Variants in COL6A5 observed in about 807,000 individuals in gnomAD.
The protein encoded by COL6A5 is collagen type VI alpha 5 chain.
In COL6A5, 48 loss-of-function variants were observed where a neutral mutation model predicts 65.6. The observed-to-expected ratio is 0.73, with a 90% CI of 0.58 to 0.93. COL6A5 has a LOEUF of 0.93. Ranked by LOEUF, COL6A5 falls within the 40% of genes least tolerant of loss-of-function variation. The pLI is 0.00. For missense variants in COL6A5, 914 were observed against 928.3 expected, an observed-to-expected ratio of 0.98 and a Z score of 0.20; for synonymous variants, 291 against 322.8, an observed-to-expected ratio of 0.90 and a Z score of 1.05.
At chr3:130,459,537 T>C (rs146858261) in intron 5 of COL6A5, among the ~76,000 whole-genome samples, 163 of 152,150 alleles carry the variant, frequency 1.1e-3, no homozygotes, top group African/African-American at 3.5e-3. Context: ...ATAGAGATCA[T>C]TGCTAAACAT....
chr3:130,398,051 G>C, exon 10 of COL6A5: 1 of 1,550,546 alleles, frequency 6.4e-7, no homozygotes, highest in East Asian at 2.4e-5. Flanking sequence ...TTTTTCAGAC[G>C]GTCTCCAGAG....
At chr3:130,396,044 G>A (rs995796910) in intron 8 of COL6A5, among the ~76,000 whole-genome samples, 1 of 152,190 alleles carries the variant, frequency 6.6e-6, no homozygotes, top group Non-Finnish European at 1.5e-5. Flanking sequence ...GGCCAGGTGC[G>A]TAGTGGAGAT....
In COL6A5 at chr3:130,406,264, T is replaced by C. The variant is rs1017840526; in HGVS notation, c.4426-4T>C. ...GGAATTTTGTTTTTCTTGTCTTCTTTTAGGGCTGTCATGGATTTCCTGGAA... is the reference window on the plus strand; with the variant it reads ...GGAATTTTGTTTTTCTTGTCTTCTTCTAGGGCTGTCATGGATTTCCTGGAA... On this transcript the variant is annotated splice_region_variant and splice_polypyrimidine_tract_variant and intron_variant and NMD_transcript_variant, in intron 16 of 41. Coordinates refer to the COL6A5 transcript ENST00000312481. 206 of 1,550,722 alleles carry C rather than the reference T, an allele frequency of 1.3e-4. No homozygotes were observed. Among genetic ancestry groups the C allele is most frequent in the Non-Finnish European group, 1.6e-4 (187 of 1,146,278 alleles).
intron 7 of COL6A5, among the ~76,000 whole-genome samples, chr3:130,472,701 G>C (rs1385740246): frequency 1.3e-5 from 2 of 151,438 alleles, no homozygotes; most frequent in African/African-American, 4.8e-5. Flanking sequence ...CACTATTTGT[G>C]TTGCCCCAAA....
intron 7 of COL6A5, among the ~76,000 whole-genome samples, chr3:130,480,407 G>T (rs1368518811): frequency 6.6e-6 from 1 of 151,980 alleles, no homozygotes; most frequent in Non-Finnish European, 1.5e-5. Context: ...TTAGGCAAAT[G>T]AAATATTTTA....
At chr3:130,419,813 T>C (rs2107683087) in intron 25 of COL6A5, among the ~76,000 whole-genome samples, 1 of 152,206 alleles carries the variant, frequency 6.6e-6, no homozygotes, top group East Asian at 1.9e-4. Context: ...TAGAAAGAAG[T>C]AATAAGTTCA....
chr3:130,409,917 C>A (rs1472124617), intron 18 of COL6A5, 92 bp from the exon 19 acceptor site: 3 of 856,318 alleles, frequency 3.5e-6, no homozygotes, highest in Non-Finnish European at 5.5e-6. Context: ...TATAGCTTGA[C>A]CCAAATTAGC....
intron 12 of COL6A5, 127 bp from the exon 13 acceptor site, chr3:130,403,482 C>T (rs537441988): frequency 7.1e-5 from 51 of 719,492 alleles, no homozygotes; most frequent in South Asian, 1.5e-4. Flanking sequence ...CCCAAACTCA[C>T]GGCCACATCT....
chr3:130,466,330 C>G (rs946086226), intron 5 of COL6A5, among the ~76,000 whole-genome samples: 1 of 151,922 alleles, frequency 6.6e-6, no homozygotes, highest in Admixed American at 6.6e-5. Flanking sequence ...TGAAAACTCC[C>G]TAAGTATTTG....
chr3:130,358,430 A>C (rs1934999075), intron 1 of COL6A5, among the ~76,000 whole-genome samples: 1 of 152,214 alleles, frequency 6.6e-6, no homozygotes, highest in Non-Finnish European at 1.5e-5. Flanking sequence ...CATGAGTAAG[A>C]GAAAAGATTC....
At chr3:130,415,533 G>C (rs1287594347) in intron 22 of COL6A5, 112 bp from the exon 23 acceptor site, 3 of 910,934 alleles carry the variant, frequency 3.3e-6, no homozygotes, top group Non-Finnish European at 4.9e-6. Context: ...AGGGTTAAAA[G>C]GCTGTGGGAA....
chr3:130,442,714 C>T (rs533653645), intron 3 of COL6A5, among the ~76,000 whole-genome samples: 3 of 152,096 alleles, frequency 2.0e-5, no homozygotes, highest in Admixed American at 2.0e-4. Flanking sequence ...TTCTTGCCCA[C>T]CCAACAGTAA....
At chr3:130,388,314 A>G (rs955922246) in intron 5 of COL6A5, among the ~76,000 whole-genome samples, 1 of 151,746 alleles carries the variant, frequency 6.6e-6, no homozygotes, top group Non-Finnish European at 1.5e-5. Flanking sequence ...TTATGATTGA[A>G]TGAATGAAAG....
At chr3:130,447,055 G>C (rs888446590) in intron 4 of COL6A5, among the ~76,000 whole-genome samples, 4 of 152,140 alleles carry the variant, frequency 2.6e-5, no homozygotes, top group African/African-American at 9.7e-5. Context: ...AGGATTGTAA[G>C]CGATTCCAGT....
intron 20 of COL6A5, among the ~76,000 whole-genome samples, chr3:130,411,046 A>C (rs1397330071): frequency 9.9e-5 from 15 of 152,204 alleles, no homozygotes; most frequent in Non-Finnish European, 1.5e-5. Flanking sequence ...AAGAGGACTC[A>C]CAAACAAATT....
chr3:130,425,559 G>A (rs939859975), intron 29 of COL6A5, among the ~76,000 whole-genome samples: 1 of 152,158 alleles, frequency 6.6e-6, no homozygotes, highest in African/African-American at 2.4e-5. Context: ...AGCTCAAGCT[G>A]CTGAGAAAGA....
intron 1 of COL6A5, among the ~76,000 whole-genome samples, chr3:130,355,391 G>C (rs1934886408): frequency 6.6e-6 from 1 of 151,988 alleles, no homozygotes; most frequent in Non-Finnish European, 1.5e-5. Flanking sequence ...AATTAAAGAA[G>C]AGAAAGGAAA....
At chr3:130,361,476 CA>C (rs1168575290) in intron 1 of COL6A5, among the ~76,000 whole-genome samples, 2 of 151,978 alleles carry the variant, frequency 1.3e-5, no homozygotes, top group Non-Finnish European at 2.9e-5. Flanking sequence ...ATCTGTTCAC[CA>C]GCTAAAAGGC....
rs150214535 is a variant in COL6A5 at position 130,447,090 on chromosome 3, C to G, written c.1332+3524C>G. Among the ~76,000 whole-genome samples, 68 of 152,200 alleles carry G rather than the reference C, an allele frequency of 4.5e-4. No individual in the cohort carries two copies. In the East Asian group the frequency reaches 0.012, roughly 26 times the overall value. ...TAATATGGGAAATTCCCCACTGTTG[C>G]ATAAATGAATCAAAAGCCTTACTAA... On this transcript the variant is annotated intron_variant, in intron 4 of 7. Transcript: ENST00000512836.
Sources: gnomAD v4.1 joint callset for allele counts (sites outside exome capture counted in the v4.1 genomes callset) on GRCh38, gnomAD v4.1.1 for gene constraint, MANE v1.5 for transcripts, NCBI Gene and HGNC (gene_info 2026-07-23, HGNC 2026-07-21) for gene names.